Variants in PRELID2 observed in about 807,000 individuals in gnomAD.
PRELID2 encodes PRELI domain-containing protein 2.
In PRELID2, 25 loss-of-function variants were observed where a neutral mutation model predicts 28.4. The ratio of observed to expected loss-of-function variants is 0.88; its 90% CI spans 0.64 to 1.23. The LOEUF is 1.23. Among genes scored for constraint, PRELID2 ranks in the 50% most tolerant of loss-of-function variants. The pLI is 0.00. For missense variants in PRELID2, 201 were observed against 214.4 expected (o/e 0.94, Z 0.39); for synonymous variants, 76 against 71.6 (o/e 1.06, Z -0.31).
chr5:145,736,608 A>T (rs963031958), intron 1 of PRELID2, among the ~76,000 whole-genome samples: 13 of 152,134 alleles, frequency 8.5e-5, no homozygotes, highest in African/African-American at 3.1e-4. Flanking sequence ...GATTTTTAAA[A>T]TTTTTCATCT....
the PRELID2 span, among the ~76,000 whole-genome samples, chr5:145,261,397 G>A: frequency 6.6e-6 from 1 of 152,074 alleles, no homozygotes; most frequent in Non-Finnish European, 1.5e-5. Flanking sequence ...CACAACAAAA[G>A]TACAACCAAG....
chr5:145,375,385 T>C, the PRELID2 span, among the ~76,000 whole-genome samples: 12 of 152,216 alleles, frequency 7.9e-5, no homozygotes, highest in Non-Finnish European at 1.5e-4. Flanking sequence ...GGGGCACCAA[T>C]CTGATGCCAG....
chr5:145,741,471 C>CAAAATATTTATAAATTATATAT (rs1561567850), intron 1 of PRELID2, among the ~76,000 whole-genome samples: 1 of 30,904 alleles, frequency 3.2e-5, no homozygotes, highest in African/African-American at 9.5e-5. Context: ...TATATATAAA[C>CAAAATATTTATAAATTATATAT]AAAATTTATT....
At chr5:145,477,423 T>G (rs1752113283) in intron 1 of PRELID2, among the ~76,000 whole-genome samples, 1 of 152,206 alleles carries the variant, frequency 6.6e-6, no homozygotes, top group African/African-American at 2.4e-5. Flanking sequence ...TATATACTTA[T>G]ATCCCAATAG....
the PRELID2 span, among the ~76,000 whole-genome samples, chr5:145,376,143 T>C: frequency 6.6e-6 from 1 of 152,182 alleles, no homozygotes; most frequent in African/African-American, 2.4e-5. Flanking sequence ...TCTGCATGTA[T>C]TGTGAAATGA....
intron 1 of PRELID2, among the ~76,000 whole-genome samples, chr5:145,739,261 T>C (rs1422405926): frequency 6.6e-6 from 1 of 152,152 alleles, no homozygotes; most frequent in Admixed American, 6.5e-5. Flanking sequence ...ATCCCAGCAC[T>C]TTGGGAGGCT....
chr5:145,775,831 A>G (rs559162239), intron 5 of PRELID2, among the ~76,000 whole-genome samples: 1 of 152,326 alleles, frequency 6.6e-6, no homozygotes, highest in African/African-American at 2.4e-5. Flanking sequence ...CTACCTGTGG[A>G]GTGAAGGAAC....
At chr5:145,791,374 A>G (rs1318839992) in intron 5 of PRELID2, among the ~76,000 whole-genome samples, 3 of 152,194 alleles carry the variant, frequency 2.0e-5, no homozygotes, top group Admixed American at 2.0e-4. Context: ...ATATATACAA[A>G]CAAGGAAATA....
At chr5:145,272,147 A>G in the PRELID2 span, among the ~76,000 whole-genome samples, 2 of 152,056 alleles carry the variant, frequency 1.3e-5, no homozygotes, top group African/African-American at 2.4e-5. Context: ...TTCATTTATT[A>G]GTTTGACTTA....
chr5:145,600,434 A>T (rs185719770), intron 1 of PRELID2, among the ~76,000 whole-genome samples: 26,458 of 119,158 alleles, frequency 0.22, 3,033 homozygotes, highest in Admixed American at 0.3. Flanking sequence ...AAAAAAAAAA[A>T]ATATATATAT....
chr5:145,266,902 C>G, the PRELID2 span, among the ~76,000 whole-genome samples: 7 of 152,098 alleles, frequency 4.6e-5, no homozygotes, highest in South Asian at 1.5e-3. Flanking sequence ...GAATTGAAGG[C>G]CATTATTCTA....
At chr5:145,638,850 C>G (rs1043682615) in intron 1 of PRELID2, among the ~76,000 whole-genome samples, 1 of 152,212 alleles carries the variant, frequency 6.6e-6, no homozygotes, top group Non-Finnish European at 1.5e-5. Flanking sequence ...GCGTGTTGTC[C>G]TATCTTGTTC....
At chr5:145,361,091 T>A in the PRELID2 span, among the ~76,000 whole-genome samples, 1 of 152,232 alleles carries the variant, frequency 6.6e-6, no homozygotes, top group Non-Finnish European at 1.5e-5. Context: ...GATGATCTTA[T>A]ATGAAAAACA....
At chr5:145,810,878 T>C (rs1753877944) in intron 4 of PRELID2, among the ~76,000 whole-genome samples, 1 of 151,872 alleles carries the variant, frequency 6.6e-6, no homozygotes, top group East Asian at 1.9e-4. Context: ...ATAGTTACAG[T>C]TTCAGAGGCA....
the PRELID2 span, among the ~76,000 whole-genome samples, chr5:145,329,929 C>A: frequency 6.6e-6 from 1 of 152,078 alleles, no homozygotes; most frequent in African/African-American, 2.4e-5. Context: ...TCATAAATAG[C>A]GCTTATTATT....
chr5:145,256,803 A>G, the PRELID2 span, among the ~76,000 whole-genome samples: 4 of 152,002 alleles, frequency 2.6e-5, no homozygotes, highest in African/African-American at 9.7e-5. Flanking sequence ...TTAATCAGAA[A>G]AGTAGTTGAG....
chr5:145,479,613 G>A (rs1197855428), intron 1 of PRELID2, among the ~76,000 whole-genome samples: 1 of 152,150 alleles, frequency 6.6e-6, no homozygotes, highest in Non-Finnish European at 1.5e-5. Context: ...CCTGAGCACT[G>A]CGCCTGGTGC....
chr5:145,634,917 G>A (rs917427211), intron 1 of PRELID2, among the ~76,000 whole-genome samples: 1 of 152,092 alleles, frequency 6.6e-6, no homozygotes, highest in African/African-American at 2.4e-5. Context: ...GTCTTCCAAC[G>A]TCTTATACAA....
intron 1 of PRELID2, among the ~76,000 whole-genome samples, chr5:145,682,240 C>A (rs1231642531): frequency 6.6e-6 from 1 of 152,162 alleles, no homozygotes; most frequent in Admixed American, 6.5e-5. Flanking sequence ...TTAAAAAATT[C>A]AGTCCTTGGG....
Sources: allele counts gnomAD v4.1 joint callset (sites outside exome capture counted in the v4.1 genomes callset), GRCh38; gene constraint gnomAD v4.1.1; transcripts MANE v1.5; gene names NCBI Gene and HGNC (gene_info 2026-07-23, HGNC 2026-07-21).